Variants in CRBN observed in about 807,000 individuals in gnomAD.
CRBN encodes protein cereblon.
CRBN carries 53 observed loss-of-function variants against 62.2 expected under a neutral mutation model. That is an observed-to-expected ratio of 0.85 (90% CI 0.68 to 1.07). The LOEUF (loss-of-function observed/expected upper bound fraction) is 1.07. Ranked by LOEUF, CRBN falls within the 50% of genes least tolerant of loss-of-function variation. The pLI is 0.00. For synonymous variants in CRBN, 208 were observed against 176.1 expected, an observed-to-expected ratio of 1.18 and a Z score of -1.43; for missense variants, 616 against 531.1, an observed-to-expected ratio of 1.16 and a Z score of -1.57.
chr3:3,176,493 T>C (rs1400327161), intron 1 of CRBN, among the ~76,000 whole-genome samples: 1 of 152,176 alleles, frequency 6.6e-6, no homozygotes, highest in East Asian at 1.9e-4. Context: ...CCCAGCACTT[T>C]GGGAGGACGA....
In CRBN at chr3:3,167,783, C is replaced by G. The variant is rs1335312495; in HGVS notation, c.538G>C (p.Ala180Pro). ...LRTQSDGIQQAKVQILPECVL... is the reference protein window; with the variant it reads ...LRTQSDGIQQPKVQILPECVL... ...CATTCGGGAAGAATTTGCACTTTAG[C>G]TTGCTGGATTCTAAAATAAAGAGAA... The change falls in exon 5 of 11, where the codon GCT becomes CCT. Residue 180 changes from alanine to proline, a missense_variant. By Grantham distance (27) the Ala-to-Pro change is conservative. Transcript: ENST00000231948. The G allele has an allele frequency of 6.2e-7, 1 of 1,613,408 alleles. No individual in the cohort carries two copies. The highest frequency in any genetic ancestry group is 2.2e-5 in the East Asian group (1 of 44,826).
chr3:3,173,407 G>C (rs556258850), intron 3 of CRBN, among the ~76,000 whole-genome samples: 1 of 152,200 alleles, frequency 6.6e-6, no homozygotes, highest in South Asian at 2.1e-4. Context: ...AAGGACTCAG[G>C]AAGTACAATT....
chr3:3,169,937 CT>C (rs1389598238), intron 4 of CRBN, among the ~76,000 whole-genome samples: 1 of 151,994 alleles, frequency 6.6e-6, no homozygotes, highest in African/African-American at 2.4e-5. Context: ...CCCACCCCCC[CT>C]CCGCCCTCCC....
chr3:3,179,592 G>T, intron 1 of CRBN, 29 bp downstream of exon 1: 2 of 1,609,260 alleles, frequency 1.2e-6, no homozygotes, highest in South Asian at 1.1e-5. Flanking sequence ...CCCCACTCCC[G>T]ACTACAGGGA....
intron 5 of CRBN, among the ~76,000 whole-genome samples, chr3:3,165,306 G>C (rs1315523784): frequency 2.0e-5 from 3 of 152,224 alleles, no homozygotes; most frequent in Non-Finnish European, 4.4e-5. Flanking sequence ...AGCAAGTTCT[G>C]ACAGGACTGA....
intron 2 of CRBN, among the ~76,000 whole-genome samples, chr3:3,174,913 GAGA>G (rs1249192557): frequency 3.9e-5 from 6 of 152,162 alleles, no homozygotes; most frequent in African/African-American, 1.2e-4. Flanking sequence ...TAGAAGTACA[GAGA>G]AGTATTTAAT....
In CRBN at chr3:3,160,269, A is replaced by G. The variant is rs1440667482; in HGVS notation, c.688-3988T>C. Among the ~76,000 whole-genome samples, 7 of 152,240 alleles carry G rather than the reference A, an allele frequency of 4.6e-5. No homozygotes were observed. In the South Asian group the frequency reaches 1.4e-3, roughly 32 times the overall value. On this transcript the variant is annotated intron_variant, in intron 5 of 10. Transcript: ENST00000231948. ...GAGTAATGTGAAAAGCTAAACATAAATAGTAAATCACTACCACTGACTTCC... is the reference window on the plus strand; with the variant it reads ...GAGTAATGTGAAAAGCTAAACATAAGTAGTAAATCACTACCACTGACTTCC...
chr3:3,149,768 A>C (rs1706357262), downstream of CRBN: 1 of 152,122 alleles, frequency 6.6e-6, no homozygotes, highest in Admixed American at 6.6e-5. Context: ...CACTCAACTG[A>C]TTTCACTCCA....
At chr3:3,159,165 G>A (rs376703623) in intron 5 of CRBN, among the ~76,000 whole-genome samples, 24 of 152,274 alleles carry the variant, frequency 1.6e-4, no homozygotes, top group African/African-American at 4.1e-4. Flanking sequence ...TCTTGGGTAC[G>A]TCTTAGCAGC....
chr3:3,174,212 T>A lies in CRBN; in HGVS notation c.224A>T (p.Asp75Val). 1 of 1,614,184 alleles carries A rather than the reference T, an allele frequency of 6.2e-7. No homozygotes were observed. The highest frequency in any genetic ancestry group is 8.5e-7 in the Non-Finnish European group (1 of 1,180,026). Residue 75 changes from aspartate to valine, a missense_variant, in exon 3 of 11, where the codon GAC becomes GTC. Asp to Val is a radical substitution (Grantham distance 152). Transcript: ENST00000231948. ...EEFHGRTLHD[D>V]DSCQVIPVLP... ...AACTGGAATCACCTGACAGCTGTCG[T>A]CATCGTGCAAAGTCCTGCCATGAAA...
chr3:3,156,641 C>T (rs1003022333), intron 5 of CRBN: 7 of 250,906 alleles, frequency 2.8e-5, no homozygotes, highest in African/African-American at 4.6e-5. Flanking sequence ...GAAGTGAAAA[C>T]CTCAAGATAT....
At position 3,153,973 on chromosome 3, in the gene CRBN, T is replaced by G; in HGVS notation, c.938A>C (p.Asp313Ala). 1 of 1,598,334 alleles carries G rather than the reference T, an allele frequency of 6.3e-7. No homozygotes were observed. Among genetic ancestry groups the G allele is most frequent in the Non-Finnish European group, 8.6e-7 (1 of 1,165,624 alleles). Reference sequence around the variant, plus strand: ...CACTTTACTCACTTTATTCATAATGTCTAATTCACAGCGAAGTCGCTGGAT... The same window carrying G: ...CACTTTACTCACTTTATTCATAATGGCTAATTCACAGCGAAGTCGCTGGAT... Reference protein sequence around the residue: ...SAIQRLRCELDIMNKCTSLCC... With the variant: ...SAIQRLRCELAIMNKCTSLCC... The change falls in exon 8 of 11, where the codon GAC becomes GCC. Residue 313 changes from aspartate (D) to alanine (A), a missense_variant. Asp to Ala is a moderately radical substitution (Grantham distance 126). Coordinates refer to ENST00000231948, the MANE Select transcript of CRBN (RefSeq NM_016302.4).
chr3:3,171,588 G>C (rs1285772165), intron 4 of CRBN, among the ~76,000 whole-genome samples: 1 of 152,118 alleles, frequency 6.6e-6, no homozygotes, highest in African/African-American at 2.4e-5. Flanking sequence ...AAAGTACCTG[G>C]GGAGAACTAA....
chr3:3,178,836 A>G (rs1409149392), intron 1 of CRBN, among the ~76,000 whole-genome samples: 1 of 152,202 alleles, frequency 6.6e-6, no homozygotes, highest in Non-Finnish European at 1.5e-5. Context: ...CACCTTTTGG[A>G]AAGCATCTCT....
At chr3:3,171,658 G>C (rs920870738) in intron 4 of CRBN, among the ~76,000 whole-genome samples, 3 of 152,060 alleles carry the variant, frequency 2.0e-5, no homozygotes, top group Middle Eastern at 3.2e-3. Flanking sequence ...TTAGCTCCAA[G>C]GAGCTACCTG....
chr3:3,153,935 T>C (rs1331687349), intron 8 of CRBN, 25 bp downstream of exon 8: 1 of 1,418,126 alleles, frequency 7.1e-7, no homozygotes, highest in Admixed American at 1.7e-5. Context: ...AACATGGGCA[T>C]CAAAAACATA....
At chr3:3,156,313 C>T (rs1002662926) in intron 5 of CRBN, 32 bp from the exon 6 acceptor site, 27 of 1,583,728 alleles carry the variant, frequency 1.7e-5, no homozygotes, top group Non-Finnish European at 2.3e-5. Flanking sequence ...ACTTAAAAAA[C>T]CCCACAGAAT....
chr3:3,161,741 A>G (rs1170796966), intron 5 of CRBN, among the ~76,000 whole-genome samples: 1 of 152,252 alleles, frequency 6.6e-6, no homozygotes, highest in Non-Finnish European at 1.5e-5. Context: ...CTGTGAGCCA[A>G]TAACCTCACT....
At chr3:3,152,806 A>T (rs112681330) in intron 9 of CRBN, 5 of 586,766 alleles carry the variant, frequency 8.5e-6, no homozygotes, top group African/African-American at 7.5e-5. Flanking sequence ...GTTTTCTGTG[A>T]TGACCCAAAG....
Sources: gnomAD v4.1 joint callset for allele counts (sites outside exome capture counted in the v4.1 genomes callset) on GRCh38, gnomAD v4.1.1 for gene constraint, MANE v1.5 for transcripts, NCBI Gene and HGNC (gene_info 2026-07-23, HGNC 2026-07-21) for gene names.